RBMS3: variants seen among roughly 807,000 people sequenced by gnomAD.
RBMS3 encodes RNA binding motif single stranded interacting protein 3, also known as RNA-binding motif, single-stranded-interacting protein 3.
A neutral mutation model predicts 66.8 loss-of-function variants in RBMS3; 27 were observed. The ratio of observed to expected loss-of-function variants is 0.40; its 90% CI spans 0.30 to 0.56. The LOEUF (loss-of-function observed/expected upper bound fraction) is 0.56. RBMS3 is among the 20% of genes least tolerant of loss of function. The pLI is 0.40. For synonymous variants in RBMS3, 188 were observed against 183.0 expected (o/e 1.03, Z -0.22); for missense variants, 513 against 549.5 (o/e 0.93, Z 0.66).
intron 1 of RBMS3, among the ~76,000 whole-genome samples, chr3:29,325,591 T>C (rs2035280623): frequency 6.8e-6 from 1 of 147,258 alleles, no homozygotes; most frequent in Admixed American, 6.8e-5. Flanking sequence ...TGTATGTATA[T>C]ATATACGTGT....
At chr3:29,327,954 T>C (rs2035434131) in intron 1 of RBMS3, among the ~76,000 whole-genome samples, 1 of 152,246 alleles carries the variant, frequency 6.6e-6, no homozygotes, top group Non-Finnish European at 1.5e-5. Flanking sequence ...GCATCTTAGT[T>C]GTTGGGTGCC....
intron 4 of RBMS3, among the ~76,000 whole-genome samples, chr3:29,725,163 C>T (rs1378770824): frequency 1.3e-5 from 2 of 152,134 alleles, no homozygotes; most frequent in Non-Finnish European, 2.9e-5. Context: ...CACAAGACTC[C>T]TGTAGGGAGA....
chr3:29,911,328 G>A (rs1292654398), intron 10 of RBMS3, among the ~76,000 whole-genome samples: 2 of 152,034 alleles, frequency 1.3e-5, no homozygotes, highest in Admixed American at 6.6e-5. Context: ...AGGCTACCAG[G>A]TGCCTCTAAC....
At chr3:29,748,391 A>G (rs2055021869) in intron 5 of RBMS3, among the ~76,000 whole-genome samples, 2 of 152,344 alleles carry the variant, frequency 1.3e-5, no homozygotes, top group South Asian at 4.1e-4. Flanking sequence ...GAGCTTGAAG[A>G]TGGCCACTCA....
intron 1 of RBMS3, among the ~76,000 whole-genome samples, chr3:29,355,638 A>C (rs1268112594): frequency 6.6e-6 from 1 of 152,138 alleles, no homozygotes; most frequent in African/African-American, 2.4e-5. Context: ...TCGGAAAGAA[A>C]TGTATGACTT....
chr3:29,922,631 G>C (rs1423130360), intron 10 of RBMS3, among the ~76,000 whole-genome samples: 2 of 152,132 alleles, frequency 1.3e-5, no homozygotes, highest in East Asian at 3.9e-4. Context: ...TAACATTGCA[G>C]ACGGTTTGGC....
At chr3:29,371,592 G>A (rs1008248746) in intron 1 of RBMS3, among the ~76,000 whole-genome samples, 4 of 152,192 alleles carry the variant, frequency 2.6e-5, no homozygotes, top group Admixed American at 2.6e-4. Flanking sequence ...AAGCATATGT[G>A]TGAATATGTA....
At chr3:29,810,473 A>G (rs906471412) in intron 6 of RBMS3, among the ~76,000 whole-genome samples, 2 of 152,146 alleles carry the variant, frequency 1.3e-5, no homozygotes, top group South Asian at 2.1e-4. Flanking sequence ...ATATAAACAC[A>G]CGTACACATA....
At chr3:29,749,653 G>A (rs2055084512) in intron 5 of RBMS3, among the ~76,000 whole-genome samples, 1 of 152,166 alleles carries the variant, frequency 6.6e-6, no homozygotes, top group South Asian at 2.1e-4. Context: ...GGACCTGTCA[G>A]AAAGTGATAT....
intron 4 of RBMS3, among the ~76,000 whole-genome samples, chr3:29,629,291 G>C (rs928336957): frequency 6.6e-6 from 1 of 152,082 alleles, no homozygotes; most frequent in African/African-American, 2.4e-5. Flanking sequence ...CTATCTGCAG[G>C]CTATTTTAAT....
Position 29,410,491 on chromosome 3 carries a change from T to A in RBMS3, c.76-24252T>A, listed in dbSNP as rs543265109. Among the ~76,000 whole-genome samples, 4 of 152,286 alleles carry A rather than the reference T, an allele frequency of 2.6e-5. 1 individual carries two copies. The South Asian group carries it at 8.3e-4, about 32-fold the overall frequency. On this transcript the variant is annotated intron_variant, in intron 1 of 14. Coordinates refer to ENST00000383767, the MANE Select transcript of RBMS3 (RefSeq NM_001003793.3). ...GTTCCGTGACACTTTCCCTCCTAGA[T>A]CCTCATGTGGGAATATGTCCTTGAG...
In RBMS3 at chr3:29,281,091, C is replaced by T. The variant is rs532863075; in HGVS notation, c.-591C>T. The T allele has an allele frequency of 7.0e-6, 1 of 142,742 alleles. No homozygotes were observed. Among genetic ancestry groups the T allele is most frequent in the East Asian group, 2.0e-4 (1 of 4,900 alleles). The allele number at this position is 142,742 out of a possible 1,614,324, so 8.8% of individuals were successfully genotyped here. On this transcript the variant is annotated 5_prime_UTR_variant, in exon 1 of 15. Coordinates refer to ENST00000383767, the MANE Select transcript of RBMS3 (RefSeq NM_001003793.3). ...ACACCATGTCACTCTGGGAGGGAGACAGCAGCAACTAAGCTGTACAAGGTT... is the reference window on the plus strand; with the variant it reads ...ACACCATGTCACTCTGGGAGGGAGATAGCAGCAACTAAGCTGTACAAGGTT...
rs145403647 is a variant in RBMS3, at chr3:29,660,342, G to A, written c.399+73137G>A. ...AAAATTTAGTCTATTTAGTCTGAGA[G>A]TGTAGCCACAACCACCCTTGCACTC... On this transcript the variant is annotated intron_variant, in intron 4 of 14. Coordinates refer to ENST00000383767, the MANE Select transcript of RBMS3 (RefSeq NM_001003793.3). 5.7e-3 allele frequency among the ~76,000 whole-genome samples: 862 copies of A among 152,284 alleles called. 15 individuals are homozygous for A. The highest frequency in any genetic ancestry group is 0.019 in the African/African-American group (798 of 41,546).
At chr3:29,287,565 G>A (rs1203438369) in intron 1 of RBMS3, among the ~76,000 whole-genome samples, 2 of 152,004 alleles carry the variant, frequency 1.3e-5, no homozygotes, top group Admixed American at 6.6e-5. Flanking sequence ...TTTCTTACCA[G>A]TGTTAAAAAT....
chr3:29,286,109 C>G (rs925806801), intron 1 of RBMS3, among the ~76,000 whole-genome samples: 1 of 152,050 alleles, frequency 6.6e-6, no homozygotes, highest in African/African-American at 2.4e-5. Flanking sequence ...AATCTTCCAG[C>G]GATAGAATTT....
At chr3:29,762,770 AT>A in intron 5 of RBMS3, 139 bp from the exon 6 acceptor site, 1 of 650,676 alleles carries the variant, frequency 1.5e-6, no homozygotes, top group Non-Finnish European at 2.8e-6. Context: ...CAATCTGGTC[AT>A]CATGTTCATG....
Position 29,769,613 on chromosome 3 carries a change from TTG to T in RBMS3, c.637+6626_637+6627del, listed in dbSNP as rs1491547262. 5.6e-3 allele frequency among the ~76,000 whole-genome samples: 649 copies of T among 115,222 alleles called. 5 individuals carry two copies. Among genetic ancestry groups the T allele is most frequent in the African/African-American group, 0.016 (604 of 38,062 alleles). 75.6% of individuals were successfully genotyped at this position (115,222 alleles called of 152,430 possible). ...GTTAAGTGAATAGTGACAAAGAGGG[TTG>T]TTTTTTTTCTTTATTTATCTGATTT... On this transcript the variant is annotated intron_variant, in intron 6 of 14. Transcript: ENST00000383767.
At chr3:29,689,399 T>C (rs569993248) in intron 4 of RBMS3, among the ~76,000 whole-genome samples, 102 of 152,280 alleles carry the variant, frequency 6.7e-4, no homozygotes, top group Non-Finnish European at 1.3e-3. Flanking sequence ...AATGTACTTA[T>C]GAAAATATGT....
chr3:29,351,421 A>G (rs1376111238), intron 1 of RBMS3, among the ~76,000 whole-genome samples: 2 of 152,258 alleles, frequency 1.3e-5, no homozygotes, highest in African/African-American at 2.4e-5. Flanking sequence ...CTCTAACATT[A>G]CAATCACTGT....
Sources: allele counts gnomAD v4.1 joint callset (sites outside exome capture counted in the v4.1 genomes callset), GRCh38; gene constraint gnomAD v4.1.1; transcripts MANE v1.5; gene names NCBI Gene and HGNC (gene_info 2026-07-23, HGNC 2026-07-21).